The following DSCAM variants were observed in gnomAD, a reference collection of about 807,000 sequenced individuals.
DSCAM encodes the protein DS cell adhesion molecule, also known as cell adhesion molecule DSCAM.
In DSCAM, 47 loss-of-function variants were observed where a neutral mutation model predicts 217.7. The ratio of observed to expected loss-of-function variants is 0.22; its 90% confidence interval spans 0.17 to 0.28. The LOEUF is 0.28. Among genes scored for constraint, DSCAM ranks in the 10% least tolerant of loss-of-function variants. DSCAM has a pLI of 1.00. For missense variants in DSCAM, 2,080 were observed against 2,618.3 expected (o/e 0.79, Z 4.49); for synonymous variants, 1,056 against 1,015.3 (o/e 1.04, Z -0.76).
intron 8 of DSCAM, among the ~76,000 whole-genome samples, chr21:40,328,628 C>A (rs886233875): frequency 3.3e-5 from 5 of 151,952 alleles, no homozygotes; most frequent in Non-Finnish European, 5.9e-5. Context: ...AAAAATAGAA[C>A]AATGGGATTA....
intron 11 of DSCAM, among the ~76,000 whole-genome samples, chr21:40,191,494 T>A (rs1027505786): frequency 6.6e-6 from 1 of 152,156 alleles, no homozygotes; most frequent in African/African-American, 2.4e-5. Context: ...CCCTAGCCTA[T>A]AAAATAAATA....
intron 3 of DSCAM, among the ~76,000 whole-genome samples, chr21:40,613,436 T>C (rs867162458): frequency 6.6e-6 from 1 of 152,238 alleles, no homozygotes; most frequent in Admixed American, 6.5e-5. Flanking sequence ...ATAGTGGTTT[T>C]ATATTCCTAA....
At chr21:40,730,647 A>C (rs1409185509) in intron 1 of DSCAM, among the ~76,000 whole-genome samples, 2 of 152,174 alleles carry the variant, frequency 1.3e-5, no homozygotes, top group African/African-American at 4.8e-5. Context: ...TGCTGTCTCT[A>C]TAAGAGGCCA....
chr21:40,046,237 C>A (rs912107218), intron 30 of DSCAM, among the ~76,000 whole-genome samples: 1 of 152,134 alleles, frequency 6.6e-6, no homozygotes, highest in Non-Finnish European at 1.5e-5. Flanking sequence ...CTAGTTAATT[C>A]GACTTTGAAT....
rs2090333718 is a variant in DSCAM at position 40,144,654 on chromosome 21, G to A, written c.3096C>T (p.Asn1032=). The A allele has an allele frequency of 6.2e-7, 1 of 1,614,126 alleles. No homozygotes were observed. The highest frequency in any genetic ancestry group is 1.3e-5 in the African/African-American group (1 of 75,016). Residue 1032 remains asparagine, a synonymous_variant, in exon 17 of 33, where the codon AAC becomes AAT. Coordinates refer to ENST00000400454, the MANE Select transcript of DSCAM (RefSeq NM_001389.5). The surrounding 1 kb of genome is among the most constrained non-coding windows in gnomAD (Gnocchi z 4.8). ...CGACACTGATAATGTTGAATTGGAA[G>A]TTACCCCCAGTGCTGTACTCTCGGT... is the stretch of plus-strand genomic sequence containing the variant. ...IGYREYSTGG[N]FQFNIISVDT... is the part of the protein sequence containing the mutation.
chr21:40,478,708 A>C (rs775217232), intron 3 of DSCAM, among the ~76,000 whole-genome samples: 3 of 152,196 alleles, frequency 2.0e-5, no homozygotes, highest in Non-Finnish European at 4.4e-5. Flanking sequence ...ACTAATTACA[A>C]TGACTGCAAC....
intron 32 of DSCAM, among the ~76,000 whole-genome samples, chr21:40,033,075 T>C (rs537054017): frequency 4.7e-4 from 71 of 152,304 alleles, no homozygotes; most frequent in African/African-American, 1.6e-3. Context: ...TACAGATGTA[T>C]GTAACCAGTT....
chr21:40,078,702 G>A lies in DSCAM; in HGVS notation c.4696C>T (p.Leu1566=), dbSNP rs2089405882. The part of the protein sequence containing the change: ...CAEKQANFAT[L]NYDGSTIPPL... ...GCCAGCTTACTGCCATCGTAGTTCAGCGTAGCGAAGTTGGCCTGCTTCTCC... is the reference window on the plus strand; with the variant it reads ...GCCAGCTTACTGCCATCGTAGTTCAACGTAGCGAAGTTGGCCTGCTTCTCC... The change falls in exon 26 of 33, where the codon CTG becomes TTG. Residue 1566 remains leucine (L), a synonymous_variant. Transcript: ENST00000400454. 1.2e-6 allele frequency: 2 copies of A among 1,613,794 alleles called. No homozygotes were observed. The highest frequency in any genetic ancestry group is 1.7e-6 in the Non-Finnish European group (2 of 1,179,862).
chr21:40,146,941 CTAAT>C (rs1210895418), intron 16 of DSCAM, among the ~76,000 whole-genome samples: 1 of 152,162 alleles, frequency 6.6e-6, no homozygotes, highest in Non-Finnish European at 1.5e-5. Flanking sequence ...TTTATGTGAC[CTAAT>C]TAATTAATCA....
chr21:40,714,010 T>A (rs779468986), intron 1 of DSCAM, among the ~76,000 whole-genome samples: 3 of 152,172 alleles, frequency 2.0e-5, no homozygotes, highest in Non-Finnish European at 4.4e-5. Flanking sequence ...CTCTGGAAGG[T>A]ACTAATCATA....
At chr21:40,085,344 T>C (rs1252800728) in intron 23 of DSCAM, among the ~76,000 whole-genome samples, 1 of 152,158 alleles carries the variant, frequency 6.6e-6, no homozygotes. Flanking sequence ...CATGTACACA[T>C]AAAGAAAAAA....
chr21:40,270,005 T>C (rs1023938292), intron 11 of DSCAM, among the ~76,000 whole-genome samples: 4 of 152,208 alleles, frequency 2.6e-5, no homozygotes, highest in Admixed American at 1.3e-4. Context: ...AGGGATCAAA[T>C]TGCATCTGCT....
At chr21:40,367,350 G>A (rs1191726947) in intron 4 of DSCAM, among the ~76,000 whole-genome samples, 3 of 152,138 alleles carry the variant, frequency 2.0e-5, no homozygotes, top group Non-Finnish European at 4.4e-5. Context: ...TGTTGAAGGT[G>A]CCATCCATGT....
chr21:40,416,822 A>AT (rs909017611), intron 3 of DSCAM, among the ~76,000 whole-genome samples: 6 of 152,270 alleles, frequency 3.9e-5, no homozygotes, highest in African/African-American at 1.2e-4. Context: ...TTAATTTAGG[A>AT]TTTTTTTAGA....
At chr21:40,137,656 T>C (rs2090229809) in intron 18 of DSCAM, among the ~76,000 whole-genome samples, 1 of 150,798 alleles carries the variant, frequency 6.6e-6, no homozygotes, top group Admixed American at 6.6e-5. Flanking sequence ...TTAACTGAAG[T>C]GTATTGTTCA....
chr21:40,156,283 A>AAGAGAGAGAG, intron 16 of DSCAM, among the ~76,000 whole-genome samples: 1 of 86,262 alleles, frequency 1.2e-5, no homozygotes, highest in East Asian at 4.0e-4. Flanking sequence ...CAGTCAAACT[A>AAGAGAGAGAG]AGACAGAGAG....
At chr21:40,391,530 A>T (rs1437958318) in intron 3 of DSCAM, among the ~76,000 whole-genome samples, 2 of 152,138 alleles carry the variant, frequency 1.3e-5, no homozygotes, top group Admixed American at 6.5e-5. Flanking sequence ...TTGGAAGGGG[A>T]CTTTTTAAAA....
intron 32 of DSCAM, among the ~76,000 whole-genome samples, chr21:40,020,211 T>C (rs930809650): frequency 6.6e-6 from 1 of 152,194 alleles, no homozygotes; most frequent in African/African-American, 2.4e-5. Flanking sequence ...CTCATTTTTC[T>C]CTTGCCTGCC....
At chr21:40,241,057 C>G (rs60268779) in intron 11 of DSCAM, among the ~76,000 whole-genome samples, 2,149 of 152,242 alleles carry the variant, frequency 0.014, 62 homozygotes, top group African/African-American at 0.05. Context: ...CTAGGCAATA[C>G]CATCCTGGAC....
Sources: allele counts gnomAD v4.1 joint callset (sites outside exome capture counted in the v4.1 genomes callset), GRCh38; gene constraint gnomAD v4.1.1; non-coding constraint Gnocchi (gnomAD v3.1); transcripts MANE v1.5; gene names NCBI Gene and HGNC (gene_info 2026-07-23, HGNC 2026-07-21).